SDHAF4: variants seen among roughly 807,000 people sequenced by gnomAD.
The protein encoded by SDHAF4 is succinate dehydrogenase complex assembly factor 4.
SDHAF4 carries 14 observed loss-of-function variants against 14.3 expected under a neutral mutation model. The ratio of observed to expected loss-of-function variants is 0.98; its 90% CI spans 0.65 to 1.53. The LOEUF (loss-of-function observed/expected upper bound fraction) is 1.53. SDHAF4 is among the 40% of genes most tolerant of loss of function. SDHAF4 has a pLI of 0.00. For synonymous variants in SDHAF4, 63 were observed against 47.3 expected, an observed-to-expected ratio of 1.33 and a Z score of -1.36; for missense variants, 141 against 129.3, an observed-to-expected ratio of 1.09 and a Z score of -0.44.
chr6:70,572,707 C>T (rs540092106), intron 1 of SDHAF4, among the ~76,000 whole-genome samples: 208 of 151,154 alleles, frequency 1.4e-3, no homozygotes, highest in African/African-American at 4.4e-3. Flanking sequence ...GGCTTGTTTC[C>T]GGTTTGTTTG....
At chr6:70,591,080 A>G (rs1174198998), downstream of SDHAF4, among the ~76,000 whole-genome samples, 1 of 152,204 alleles carries the variant, frequency 6.6e-6, no homozygotes, top group Admixed American at 6.5e-5. Flanking sequence ...GCCCGAATAC[A>G]TTGGGAAGGA....
At chr6:70,569,972 G>A (rs2128533437) in intron 1 of SDHAF4, among the ~76,000 whole-genome samples, 1 of 152,028 alleles carries the variant, frequency 6.6e-6, no homozygotes, top group East Asian at 1.9e-4. Flanking sequence ...TCAAACACTT[G>A]TCCCAGGTTC....
intron 1 of SDHAF4, among the ~76,000 whole-genome samples, chr6:70,574,893 A>G (rs1236687325): frequency 1.3e-5 from 2 of 151,628 alleles, no homozygotes; most frequent in African/African-American, 2.4e-5. Flanking sequence ...CTGCCACTAC[A>G]CTCAAGACTG....
chr6:70,593,418 G>T (rs571491321), downstream of SDHAF4, among the ~76,000 whole-genome samples: 2 of 152,324 alleles, frequency 1.3e-5, no homozygotes, highest in South Asian at 2.1e-4. Flanking sequence ...CAGAGCTGCT[G>T]CAGAAAGTTC....
At chr6:70,573,652 TC>T (rs984410533) in intron 1 of SDHAF4, among the ~76,000 whole-genome samples, 4 of 151,420 alleles carry the variant, frequency 2.6e-5, no homozygotes, top group Admixed American at 6.6e-5. Flanking sequence ...TTTTTCTTTT[TC>T]TTTTCTTTTC....
intron 2 of SDHAF4, among the ~76,000 whole-genome samples, chr6:70,581,588 T>G (rs1427240649): frequency 1.3e-5 from 2 of 152,156 alleles, no homozygotes; most frequent in Non-Finnish European, 2.9e-5. Context: ...TGTGTGTGTA[T>G]GTATGTGTGT....
intron 1 of SDHAF4, among the ~76,000 whole-genome samples, chr6:70,571,458 G>C (rs967986242): frequency 3.9e-5 from 6 of 152,106 alleles, no homozygotes; most frequent in African/African-American, 1.4e-4. Context: ...GGGATTACAG[G>C]CACACGCCAC....
chr6:70,570,052 T>C (rs527982657), intron 1 of SDHAF4, among the ~76,000 whole-genome samples: 6 of 152,278 alleles, frequency 3.9e-5, no homozygotes, highest in African/African-American at 1.2e-4. Context: ...CTTATACATA[T>C]AGGCATACGT....
downstream of SDHAF4, among the ~76,000 whole-genome samples, chr6:70,593,270 T>C (rs1765275105): frequency 2.0e-5 from 3 of 152,236 alleles, no homozygotes; most frequent in Non-Finnish European, 4.4e-5. Context: ...CAGCAAGAGC[T>C]GTGAGGCATA....
intron 2 of SDHAF4, among the ~76,000 whole-genome samples, chr6:70,586,695 C>T (rs957525012): frequency 6.6e-6 from 1 of 151,920 alleles, no homozygotes; most frequent in African/African-American, 2.4e-5. Context: ...GGATAAAACA[C>T]ACAAAAAAAT....
chr6:70,592,016 C>T (rs1194901547), downstream of SDHAF4, among the ~76,000 whole-genome samples: 4 of 152,238 alleles, frequency 2.6e-5, no homozygotes, highest in Admixed American at 2.0e-4. Context: ...TCTGAGCCCA[C>T]TCAGCCAACT....
intron 1 of SDHAF4, among the ~76,000 whole-genome samples, chr6:70,574,078 T>C (rs906015621): frequency 4.0e-5 from 6 of 150,162 alleles, no homozygotes; most frequent in Non-Finnish European, 8.9e-5. Flanking sequence ...CCCAGCACTT[T>C]GGGAGGCCAA....
intron 1 of SDHAF4, among the ~76,000 whole-genome samples, chr6:70,578,524 A>G (rs985046082): frequency 6.6e-6 from 1 of 152,076 alleles, no homozygotes; most frequent in African/African-American, 2.4e-5. Context: ...TGTAGGTTGT[A>G]TGTTTACTCT....
At chr6:70,585,492 C>A (rs2128535959) in intron 2 of SDHAF4, among the ~76,000 whole-genome samples, 1 of 152,292 alleles carries the variant, frequency 6.6e-6, no homozygotes, top group East Asian at 1.9e-4. Flanking sequence ...ACCAACCATG[C>A]TACCACCCTG....
chr6:70,585,496 CA>C (rs542173960), intron 2 of SDHAF4, among the ~76,000 whole-genome samples: 59 of 152,258 alleles, frequency 3.9e-4, no homozygotes, highest in African/African-American at 1.2e-3. Context: ...ACCATGCTAC[CA>C]CCCTGATTTC....
chr6:70,597,435 C>T, the SDHAF4 span, among the ~76,000 whole-genome samples: 1 of 151,644 alleles, frequency 6.6e-6, no homozygotes, highest in African/African-American at 2.4e-5. Context: ...AGGCATGAGG[C>T]ACCGCATCAG....
chr6:70,576,290 T>C (rs1581928183), intron 1 of SDHAF4, among the ~76,000 whole-genome samples: 1 of 152,218 alleles, frequency 6.6e-6, no homozygotes, highest in South Asian at 2.1e-4. Context: ...ATAGTTCTGT[T>C]TATGTTTCCA....
At chr6:70,587,979 C>T (rs865971200) in intron 2 of SDHAF4, among the ~76,000 whole-genome samples, 1 of 152,208 alleles carries the variant, frequency 6.6e-6, no homozygotes, top group South Asian at 2.1e-4. Context: ...ACATGTATTA[C>T]CTTGTTTAAT....
chr6:70,579,588 T>G (rs1296372441), intron 2 of SDHAF4, 22 bp downstream of exon 2: 1 of 1,551,806 alleles, frequency 6.4e-7, no homozygotes, highest in Admixed American at 2.0e-5. Flanking sequence ...AAAGCACCTC[T>G]CAGTTTTTGA....
Sources: allele counts gnomAD v4.1 joint callset (sites outside exome capture counted in the v4.1 genomes callset), GRCh38; gene constraint gnomAD v4.1.1; transcripts MANE v1.5; gene names NCBI Gene and HGNC (gene_info 2026-07-23, HGNC 2026-07-21).